XDH: variants seen among roughly 807,000 people sequenced by gnomAD.
XDH encodes xanthine dehydrogenase/oxidase.
XDH carries 138 observed loss-of-function variants against 156.1 expected under a neutral mutation model. The observed-to-expected ratio is 0.88, with a 90% CI of 0.77 to 1.02. The LOEUF (loss-of-function observed/expected upper bound fraction) is 1.02, where lower values mean the gene tolerates loss of function less well. XDH is among the 50% of genes least tolerant of loss of function. XDH has a pLI of 0.00. For missense variants in XDH, 1,849 were observed against 1,684.9 expected (o/e 1.10, Z -1.71); for synonymous variants, 669 against 625.7 (o/e 1.07, Z -1.03).
chr2:31,348,303 C>A lies in XDH; in HGVS notation c.3112G>T (p.Glu1038Ter). Residue 1038 changes from glutamate to a stop codon, truncating the protein, a stop_gained, in exon 28 of 36, where the codon GAG (glutamate) becomes TAG (stop). Transcript: ENST00000379416. LOFTEE classifies it high-confidence loss of function. ...GSVLLTHGGTEMGQGLHTKMV... is the reference protein window; with the variant it reads ...GSVLLTHGGT Reference sequence around the variant, plus strand: ...TTGGTATGAAGGCCTTGGCCCATCTCAGTCCCCCCGTGGGTCAGCAGCACA... The same window carrying A: ...TTGGTATGAAGGCCTTGGCCCATCTAAGTCCCCCCGTGGGTCAGCAGCACA... 6.2e-7 allele frequency: 1 copy of A among 1,614,236 alleles called. No individual in the cohort carries two copies.
chr2:31,402,552 G>T (rs1230067988), intron 3 of XDH, among the ~76,000 whole-genome samples: 1 of 152,114 alleles, frequency 6.6e-6, no homozygotes, highest in Admixed American at 6.5e-5. Flanking sequence ...TTGCCCAGTT[G>T]TAAAGAGCTA....
In XDH at chr2:31,368,555, T is replaced by TA; in HGVS notation, c.2085_2086insT (p.Ile696TyrfsTer5). On this transcript the variant is annotated frameshift_variant, in exon 19 of 36. Coordinates refer to ENST00000379416, the MANE Select transcript of XDH (RefSeq NM_000379.4). LOFTEE classifies it high-confidence loss of function. ...TTCTCAGTTACCTCAATTGTGATAA[T>TA]GGCTGGTAGTTCTTCATAGGTGATT... The TA allele has an allele frequency of 1.2e-6, 2 of 1,614,202 alleles. No homozygotes were observed. Among genetic ancestry groups the TA allele is most frequent in the Non-Finnish European group, 1.7e-6 (2 of 1,180,030 alleles).
intron 1 of XDH, among the ~76,000 whole-genome samples, chr2:31,411,994 C>T (rs1458037595): frequency 1.4e-5 from 2 of 147,680 alleles, no homozygotes; most frequent in African/African-American, 2.5e-5. Flanking sequence ...TGAAAGTCAC[C>T]GTGACGATCT....
At chr2:31,372,015 T>C (rs1686085685) in intron 17 of XDH, among the ~76,000 whole-genome samples, 1 of 152,246 alleles carries the variant, frequency 6.6e-6, no homozygotes, top group Admixed American at 6.5e-5. Context: ...GCAAGTAACA[T>C]ACCCTGCTTG....
At chr2:31,397,890 A>C (rs1024282145) in intron 5 of XDH, among the ~76,000 whole-genome samples, 161 bp from the exon 6 acceptor site, 15 of 152,188 alleles carry the variant, frequency 9.9e-5, no homozygotes, top group African/African-American at 3.6e-4. Context: ...TCCTGACTTC[A>C]GAAAAGTTAT....
At chr2:31,385,631 G>A (rs963788854) in intron 9 of XDH, among the ~76,000 whole-genome samples, 2 of 152,232 alleles carry the variant, frequency 1.3e-5, no homozygotes, top group Admixed American at 6.5e-5. Context: ...GGCCATGCCA[G>A]GTTTAGAAAT....
Position 31,373,900 on chromosome 2 carries a change from G to C in XDH, c.1659C>G (p.Asp553Glu). The C allele has an allele frequency of 6.2e-7, 1 of 1,613,920 alleles. No individual in the cohort carries two copies. Among genetic ancestry groups the C allele is most frequent in the Non-Finnish European group, 8.5e-7 (1 of 1,179,894 alleles). Reference protein sequence around the residue: ...FASATLLFQKDPPADVQLFQE... With the variant: ...FASATLLFQKEPPADVQLFQE... The stretch of plus-strand genomic sequence containing the variant: ...GGAAGAGCTGGACATCGGCTGGGGG[G>C]TCTTTCTGAAACAGTAAAGTTGCAC... The change falls in exon 16 of 36, where the codon GAC becomes GAG. Residue 553 changes from aspartate (D) to glutamate (E), a missense_variant. Physicochemically the swap from Asp to Glu is conservative, Grantham distance 45. Coordinates refer to ENST00000379416, the MANE Select transcript of XDH (RefSeq NM_000379.4).
At chr2:31,339,781 A>C in intron 33 of XDH, 104 bp from the exon 34 acceptor site, 4 of 1,455,976 alleles carry the variant, frequency 2.7e-6, no homozygotes, top group Non-Finnish European at 3.7e-6. Flanking sequence ...CGCGGCCTGG[A>C]ATGTAGCTAA....
chr2:31,398,811 GCA>G (rs889149626), intron 4 of XDH, 112 bp from the exon 5 acceptor site: 33 of 1,546,090 alleles, frequency 2.1e-5, no homozygotes, highest in Admixed American at 6.9e-5. Context: ...AGTAATCACT[GCA>G]CAGAGTCAAG....
chr2:31,356,411 T>C (rs1685623326), intron 24 of XDH, among the ~76,000 whole-genome samples: 1 of 152,182 alleles, frequency 6.6e-6, no homozygotes, highest in South Asian at 2.1e-4. Flanking sequence ...TGGAGAGAAG[T>C]AGCTTATCCT....
At chr2:31,343,790 C>A in intron 31 of XDH, among the ~76,000 whole-genome samples, 1 of 136,956 alleles carries the variant, frequency 7.3e-6, no homozygotes, top group Non-Finnish European at 1.6e-5. Flanking sequence ...ATGTTTATGC[C>A]TTATATGTAT....
At chr2:31,413,033 T>G (rs1687384780) in intron 1 of XDH, among the ~76,000 whole-genome samples, 1 of 152,208 alleles carries the variant, frequency 6.6e-6, no homozygotes, top group African/African-American at 2.4e-5. Context: ...AGATTTACCT[T>G]GAAATTCTTC....
chr2:31,337,823 C>T lies in XDH; in HGVS notation c.3775-6G>A. 6.2e-7 allele frequency: 1 copy of T among 1,613,836 alleles called. No homozygotes were observed. The highest frequency in any genetic ancestry group is 1.1e-5 in the South Asian group (1 of 91,010). On this transcript the variant is annotated splice_polypyrimidine_tract_variant and splice_region_variant and intron_variant, in intron 34 of 35. Transcript: ENST00000379416. ...AGGGGCGGCTCTCCAACAGCCTGAA[C>T]ACAGACAGGGCACAGGGCAGGGGCT...
intron 2 of XDH, among the ~76,000 whole-genome samples, chr2:31,404,124 C>T (rs1558316788): frequency 6.6e-6 from 1 of 152,190 alleles, no homozygotes; most frequent in Non-Finnish European, 1.5e-5. Flanking sequence ...ACGTGGGCCA[C>T]ACAAGATGAC....
chr2:31,388,111 C>A, intron 7 of XDH, 116 bp downstream of exon 7: 1 of 1,228,804 alleles, frequency 8.1e-7, no homozygotes. Context: ...CTGCCATCAC[C>A]GACTCACCGT....
At chr2:31,363,345 T>C (rs1482785954) in intron 24 of XDH, among the ~76,000 whole-genome samples, 1 of 152,070 alleles carries the variant, frequency 6.6e-6, no homozygotes, top group Non-Finnish European at 1.5e-5. Flanking sequence ...TAGATGAACC[T>C]ACAAAACATT....
chr2:31,364,574 G>T (rs543457462), intron 23 of XDH, among the ~76,000 whole-genome samples: 3 of 152,124 alleles, frequency 2.0e-5, no homozygotes, highest in South Asian at 2.1e-4. Context: ...GATAGGGCGG[G>T]GGGGAAGCGC....
intron 1 of XDH, among the ~76,000 whole-genome samples, chr2:31,407,083 A>G (rs1687213549): frequency 6.6e-6 from 1 of 152,222 alleles, no homozygotes; most frequent in African/African-American, 2.4e-5. Flanking sequence ...AGAATTCATG[A>G]TAAGGTTTTC....
chr2:31,404,077 G>C (rs1687131886), intron 2 of XDH, among the ~76,000 whole-genome samples: 2 of 143,792 alleles, frequency 1.4e-5, no homozygotes, highest in Non-Finnish European at 3.1e-5. Flanking sequence ...CTTCCTCACA[G>C]ATTTAAAAAA....
Sources: allele counts gnomAD v4.1 joint callset (sites outside exome capture counted in the v4.1 genomes callset), GRCh38; gene constraint gnomAD v4.1.1; transcripts MANE v1.5; gene names NCBI Gene and HGNC (gene_info 2026-07-23, HGNC 2026-07-21).